DNAI3: variants seen among roughly 807,000 people sequenced by gnomAD.
The protein encoded by DNAI3 is dynein axonemal intermediate chain 3, also known as WD repeat domain 63.
A neutral mutation model predicts 115.5 loss-of-function variants in DNAI3; 83 were observed. That is an observed-to-expected ratio of 0.72 (90% CI 0.60 to 0.86). The LOEUF is 0.86. DNAI3 is among the 40% of genes least tolerant of loss of function. DNAI3 has a pLI of 0.00. For missense variants in DNAI3, 1,004 were observed against 1,075.8 expected (o/e 0.93, Z 0.93); for synonymous variants, 320 against 347.0 (o/e 0.92, Z 0.86).
intron 7 of DNAI3, among the ~76,000 whole-genome samples, chr1:85,088,334 C>A (rs1654859028): frequency 6.6e-6 from 1 of 151,832 alleles, no homozygotes; most frequent in Non-Finnish European, 1.5e-5. Flanking sequence ...CAGGTCTTGA[C>A]CCACAAAATG....
intron 9 of DNAI3, 46 bp from the exon 10 acceptor site, chr1:85,094,385 A>G (rs747201741): frequency 3.1e-6 from 5 of 1,611,934 alleles, no homozygotes; most frequent in Admixed American, 1.7e-5. Flanking sequence ...ACATCTCTCC[A>G]TGTATAGTTG....
chr1:85,100,450 G>T (rs1375771928), intron 13 of DNAI3, among the ~76,000 whole-genome samples: 1 of 152,074 alleles, frequency 6.6e-6, no homozygotes, highest in African/African-American at 2.4e-5. Flanking sequence ...TTAGAATGGC[G>T]ATCATTAAAA....
intron 12 of DNAI3, 141 bp downstream of exon 12, chr1:85,097,796 C>T (rs1186771042): frequency 2.7e-6 from 2 of 752,408 alleles, no homozygotes; most frequent in East Asian, 2.9e-5. Context: ...CAAGCCTTCA[C>T]CTGTGCTTGT....
chr1:85,104,120 C>CT (rs1203756791), intron 13 of DNAI3, among the ~76,000 whole-genome samples: 2,054 of 133,512 alleles, frequency 0.015, 38 homozygotes, highest in African/African-American at 0.042. Flanking sequence ...GTGGTATGTC[C>CT]TTTTTTTTTT....
At chr1:85,087,655 T>C (rs1571168710) in intron 7 of DNAI3, among the ~76,000 whole-genome samples, 1 of 151,972 alleles carries the variant, frequency 6.6e-6, no homozygotes, top group East Asian at 1.9e-4. Flanking sequence ...CCTAGGACAG[T>C]TCCTGGCATA....
chr1:85,110,160 A>G (rs2100599488), intron 16 of DNAI3, 25 bp downstream of exon 16: 2 of 1,603,984 alleles, frequency 1.2e-6, no homozygotes, highest in East Asian at 4.5e-5. Context: ...TTATTTAAAA[A>G]AAAAAAAAAG....
chr1:85,130,250 C>A, intron 22 of DNAI3, 138 bp downstream of exon 22: 1 of 1,246,088 alleles, frequency 8.0e-7, no homozygotes, highest in Non-Finnish European at 1.1e-6. Flanking sequence ...GTCAAGAGGG[C>A]ATTCCTTTGA....
rs551729059 is a variant in DNAI3 at position 85,072,857 on chromosome 1, A to G, written c.65-197A>G. 4.8e-5 allele frequency among the ~76,000 whole-genome samples: 7 copies of G among 146,438 alleles called. No individual in the cohort carries two copies. In the South Asian group the frequency reaches 1.6e-3, roughly 33 times the overall value. ...CTAGTCCCAGCTACTCGGGAGGCTG[A>G]GGCAGGAGAATGGCGTGAACCCAGG... On this transcript the variant is annotated intron_variant, in intron 2 of 22. Transcript: ENST00000294664.
intron 3 of DNAI3, among the ~76,000 whole-genome samples, chr1:85,074,106 C>G (rs1477847838): frequency 4.6e-5 from 7 of 152,152 alleles, no homozygotes; most frequent in Admixed American, 2.0e-4. Flanking sequence ...CAAACCACCC[C>G]AACTTATGTG....
At chr1:85,076,078 T>C (rs573756484) in intron 3 of DNAI3, among the ~76,000 whole-genome samples, 1 of 152,302 alleles carries the variant, frequency 6.6e-6, no homozygotes, top group East Asian at 1.9e-4. Context: ...CCTTGCCTTT[T>C]TCAGCTTCTA....
In DNAI3 at chr1:85,073,067, G is replaced by T; in HGVS notation, c.78G>T (p.Met26Ile). The change falls in exon 3 of 23, where the codon ATG becomes ATT. Residue 26 changes from methionine (M) to isoleucine (I), a missense_variant. Met to Ile is a conservative substitution (Grantham distance 10). Around this residue, in one of 3 missense-constraint regions of DNAI3, gnomAD observed 550 missense variants for 568.1 expected, o/e 0.97. Coordinates refer to ENST00000294664, the MANE Select transcript of DNAI3 (RefSeq NM_145172.5). Reference protein sequence around the residue: ...LKPVLAASEDMEPVNMESMGH... With the variant: ...LKPVLAASEDIEPVNMESMGH... ...ATTATATTCTAGCTAGTGAAGACATGGAACCAGTAAATATGGAGAGCATGG... is the reference window on the plus strand; with the variant it reads ...ATTATATTCTAGCTAGTGAAGACATTGAACCAGTAAATATGGAGAGCATGG... The T allele has an allele frequency of 6.5e-7, 1 of 1,548,046 alleles. No homozygotes were observed. The highest frequency in any genetic ancestry group is 1.4e-5 in the African/African-American group (1 of 72,800).
intron 14 of DNAI3, among the ~76,000 whole-genome samples, chr1:85,106,033 A>G (rs1377488003): frequency 6.6e-6 from 1 of 152,150 alleles, no homozygotes; most frequent in Non-Finnish European, 1.5e-5. Context: ...CCAGCTACTC[A>G]GGAGACTGAG....
chr1:85,099,408 C>A, intron 13 of DNAI3: 3 of 398,732 alleles, frequency 7.5e-6, no homozygotes, highest in Non-Finnish European at 6.8e-6. Flanking sequence ...ACCTAGGAAT[C>A]CAACTTACAA....
chr1:85,066,133 G>A (rs1654088263), intron 1 of DNAI3, among the ~76,000 whole-genome samples: 1 of 152,030 alleles, frequency 6.6e-6, no homozygotes, highest in African/African-American at 2.4e-5. Context: ...AAGAAAATAA[G>A]TAGTTTAAAT....
intron 19 of DNAI3, among the ~76,000 whole-genome samples, chr1:85,125,611 A>G (rs1036169565): frequency 6.6e-6 from 1 of 152,170 alleles, no homozygotes; most frequent in African/African-American, 2.4e-5. Flanking sequence ...GATTGTCCAA[A>G]GACTATGCCA....
In DNAI3 at chr1:85,093,518, C is replaced by G; in HGVS notation, c.918C>G (p.Tyr306Ter). 6.2e-7 allele frequency: 1 copy of G among 1,614,096 alleles called. No homozygotes were observed. Reference sequence around the variant, plus strand: ...ACACATTTATTGATGACTGGAAATACCTCGCAGAAGAAGAAGGCACCTTTG... The same window carrying G: ...ACACATTTATTGATGACTGGAAATAGCTCGCAGAAGAAGAAGGCACCTTTG... ...IMNTFIDDWK[Y>*]LAEEEGTFGD... is the part of the protein sequence containing the mutation. Residue 306 changes from tyrosine (Y) to a stop codon, truncating the protein, a stop_gained, in exon 9 of 23, where the codon TAC (tyrosine) becomes TAG (stop). Coordinates refer to ENST00000294664, the MANE Select transcript of DNAI3 (RefSeq NM_145172.5). LOFTEE classifies it high-confidence loss of function.
intron 1 of DNAI3, among the ~76,000 whole-genome samples, chr1:85,066,490 A>T (rs1296045980): frequency 6.6e-6 from 1 of 151,538 alleles, no homozygotes. Context: ...CCACGCCTGG[A>T]TAATTTTTTT....
chr1:85,095,891 C>T (rs1221835424), intron 10 of DNAI3, 40 bp from the exon 11 acceptor site: 1 of 1,564,020 alleles, frequency 6.4e-7, no homozygotes, highest in South Asian at 1.1e-5. Context: ...ATCTTAATCT[C>T]TTTTCTCATT....
chr1:85,097,742 A>AAAACTC (rs1175908934), intron 12 of DNAI3, 87 bp downstream of exon 12: 1 of 1,196,224 alleles, frequency 8.4e-7, no homozygotes, highest in African/African-American at 1.6e-5. Flanking sequence ...AAGGCTAATA[A>AAAACTC]AAACTCAAGA....
Sources: allele counts gnomAD v4.1 joint callset (sites outside exome capture counted in the v4.1 genomes callset), GRCh38; gene constraint gnomAD v4.1.1; regional missense constraint gnomAD v4.1.1; transcripts MANE v1.5; gene names NCBI Gene and HGNC (gene_info 2026-07-23, HGNC 2026-07-21).